Variants in TRAPPC9 observed in about 807,000 individuals in gnomAD.
TRAPPC9 encodes the protein trafficking protein particle complex subunit 9.
In TRAPPC9, 83 loss-of-function variants were observed where a neutral mutation model predicts 124.0. The observed-to-expected ratio is 0.67, with a 90% CI of 0.56 to 0.80. The LOEUF (loss-of-function observed/expected upper bound fraction) is 0.80, where lower values mean the gene tolerates loss of function less well. Among genes scored for constraint, TRAPPC9 ranks in the 30% least tolerant of loss-of-function variants. TRAPPC9 has a pLI of 0.00. For missense variants in TRAPPC9, 1,302 were observed against 1,508.3 expected, an observed-to-expected ratio of 0.86 and a Z score of 2.27; for synonymous variants, 638 against 617.5, an observed-to-expected ratio of 1.03 and a Z score of -0.49.
chr8:140,004,883 A>C (rs1587471644), intron 18 of TRAPPC9, among the ~76,000 whole-genome samples: 1 of 152,144 alleles, frequency 6.6e-6, no homozygotes, highest in African/African-American at 2.4e-5. Flanking sequence ...ATAAAACTAA[A>C]ACAGGTAGTG....
intron 15 of TRAPPC9, among the ~76,000 whole-genome samples, chr8:140,273,472 C>T (rs1252191176): frequency 2.6e-5 from 4 of 152,126 alleles, no homozygotes; most frequent in Non-Finnish European, 5.9e-5. Context: ...AGAGACAGGC[C>T]GCCCGTGTTT....
rs1837436498 is a variant in TRAPPC9 at position 139,988,821 on chromosome 8, G to A, written c.2715C>T (p.His905=). 1.3e-6 allele frequency: 2 copies of A among 1,551,044 alleles called. No individual in the cohort carries two copies. Among genetic ancestry groups the A allele is most frequent in the Middle Eastern group, 1.7e-4 (1 of 5,986 alleles). ...TLPATSTRQC[H]LLLDVFNSTE... ...TGGAGTTGAAGACATCCAGGAGCAGGTGACACTGCCGGGTACTGCGTTAAA... is the reference window on the plus strand; with the variant it reads ...TGGAGTTGAAGACATCCAGGAGCAGATGACACTGCCGGGTACTGCGTTAAA... Residue 905 remains histidine, a synonymous_variant, in exon 19 of 23, where the codon CAC becomes CAT. Coordinates refer to ENST00000438773, the MANE Select transcript of TRAPPC9 (RefSeq NM_001160372.4).
At chr8:140,328,766 G>A (rs1343280758) in intron 9 of TRAPPC9, among the ~76,000 whole-genome samples, 3 of 152,072 alleles carry the variant, frequency 2.0e-5, no homozygotes, top group Non-Finnish European at 4.4e-5. Flanking sequence ...CTTTAGAGAT[G>A]CTTAGCTATG....
chr8:139,906,429 C>T (rs934225939), intron 20 of TRAPPC9, among the ~76,000 whole-genome samples: 1 of 152,156 alleles, frequency 6.6e-6, no homozygotes, highest in Non-Finnish European at 1.5e-5. Context: ...CCCTCCAGCA[C>T]TCTAGGAGGA....
chr8:139,820,502 T>A (rs1410055404), intron 21 of TRAPPC9, among the ~76,000 whole-genome samples: 1 of 152,186 alleles, frequency 6.6e-6, no homozygotes, highest in African/African-American at 2.4e-5. Context: ...ACTATTTCAT[T>A]AAAAAACAAA....
At chr8:140,344,024 T>C (rs897744770) in intron 9 of TRAPPC9, among the ~76,000 whole-genome samples, 2 of 152,118 alleles carry the variant, frequency 1.3e-5, no homozygotes, top group Non-Finnish European at 1.5e-5. Context: ...TCTGAACGTC[T>C]GTGTCCCCCC....
At chr8:140,093,167 C>T (rs1178853833) in intron 17 of TRAPPC9, among the ~76,000 whole-genome samples, 1 of 152,140 alleles carries the variant, frequency 6.6e-6, no homozygotes, top group Non-Finnish European at 1.5e-5. Context: ...TTCCCTGTGG[C>T]TTTTGTTCTA....
At chr8:140,187,453 C>A (rs537247415) in intron 17 of TRAPPC9, among the ~76,000 whole-genome samples, 1 of 152,204 alleles carries the variant, frequency 6.6e-6, no homozygotes, top group African/African-American at 2.4e-5. Flanking sequence ...GAGGGTCCCA[C>A]ATGGCTGAGA....
intron 5 of TRAPPC9, among the ~76,000 whole-genome samples, chr8:140,422,710 C>T (rs2070262086): frequency 6.8e-6 from 1 of 146,114 alleles, no homozygotes. Flanking sequence ...GCCGAGATCA[C>T]ACCACTGCAC....
chr8:140,102,896 C>G (rs1274065588), intron 17 of TRAPPC9, among the ~76,000 whole-genome samples: 1 of 152,202 alleles, frequency 6.6e-6, no homozygotes, highest in Non-Finnish European at 1.5e-5. Flanking sequence ...AAGCTCAACC[C>G]CCCACATGCC....
chr8:139,993,278 G>C (rs1837757575), intron 18 of TRAPPC9, among the ~76,000 whole-genome samples: 1 of 152,142 alleles, frequency 6.6e-6, no homozygotes, highest in Non-Finnish European at 1.5e-5. Context: ...ATAATTTAAA[G>C]TAGGGGAAAC....
intron 17 of TRAPPC9, among the ~76,000 whole-genome samples, chr8:140,141,747 T>C (rs1246277127): frequency 1.3e-5 from 2 of 152,282 alleles, no homozygotes; most frequent in Admixed American, 1.3e-4. Flanking sequence ...GACTGGTTAG[T>C]CCATATTCAA....
rs546588905 is a variant in TRAPPC9, at chr8:139,754,696, G to A, written c.3056-22494C>T. 1.1e-4 allele frequency among the ~76,000 whole-genome samples: 16 copies of A among 152,228 alleles called. No individual in the cohort carries two copies. The South Asian group carries it at 1.5e-3, about 14-fold the overall frequency. ...TCTGCTTCCTCCTCTCCTTCCCACC[G>A]TGCTGACCTGAAGGTGCTGCGTGCC... On this transcript the variant is annotated intron_variant, in intron 21 of 22. Coordinates refer to ENST00000438773, the MANE Select transcript of TRAPPC9 (RefSeq NM_001160372.4).
intron 17 of TRAPPC9, among the ~76,000 whole-genome samples, chr8:140,062,949 T>C (rs1057236272): frequency 1.3e-5 from 2 of 152,138 alleles, no homozygotes; most frequent in African/African-American, 4.8e-5. Context: ...GGAAAGAGGT[T>C]TAATTGAGAG....
At chr8:140,083,824 A>G (rs28505335) in intron 17 of TRAPPC9, among the ~76,000 whole-genome samples, 104,186 of 151,860 alleles carry the variant, frequency 0.69, 36,139 homozygotes, top group African/African-American at 0.79. Context: ...GGGCCACCAC[A>G]TCCAGCTAAT....
At chr8:140,429,252 TTTG>T (rs1381623186) in intron 4 of TRAPPC9, among the ~76,000 whole-genome samples, 2 of 152,098 alleles carry the variant, frequency 1.3e-5, no homozygotes, top group South Asian at 2.1e-4. Flanking sequence ...CAGCTAATTT[TTTG>T]TTGTTGTTGT....
rs758149795 is a variant in TRAPPC9, at chr8:140,353,060, C to T, written c.1495+6990G>A. On this transcript the variant is annotated intron_variant, in intron 9 of 22. Coordinates refer to ENST00000438773, the MANE Select transcript of TRAPPC9 (RefSeq NM_001160372.4). The surrounding 1 kb of genome is among the most constrained non-coding windows in gnomAD (Gnocchi z 4.2). ...AAAACCAAGACACAGATAGGGTTTT[C>T]GAGAAAACACCATCTACCCAGAGGC... is the stretch of plus-strand genomic sequence containing the variant. Among the ~76,000 whole-genome samples, 13 of 152,246 alleles carry T rather than the reference C, an allele frequency of 8.5e-5. No individual in the cohort carries two copies. Among genetic ancestry groups the T allele is most frequent in the Non-Finnish European group, 1.0e-4 (7 of 68,024 alleles).
At position 139,739,428 on chromosome 8, in the gene TRAPPC9, GAA is replaced by G. The variant is rs148249206; in HGVS notation, c.3056-7228_3056-7227del. Among the ~76,000 whole-genome samples, 470 of 152,366 alleles carry G rather than the reference GAA, an allele frequency of 3.1e-3. 4 individuals are homozygous for G. Among genetic ancestry groups the G allele is most frequent in the African/African-American group, 0.011 (451 of 41,584 alleles). On this transcript the variant is annotated intron_variant, in intron 21 of 22. Coordinates refer to ENST00000438773, the MANE Select transcript of TRAPPC9 (RefSeq NM_001160372.4). ...GCTTCTGTTTATGCTCAGAATAAAA[GAA>G]AGTCTTGATGAAATTCTCACCCCAA...
intron 11 of TRAPPC9, among the ~76,000 whole-genome samples, chr8:140,296,672 G>C (rs1157807315): frequency 6.6e-6 from 1 of 152,248 alleles, no homozygotes; most frequent in Non-Finnish European, 1.5e-5. Flanking sequence ...ACGCTCTGCT[G>C]TTGCTGTCTT....
Sources: allele counts gnomAD v4.1 joint callset (sites outside exome capture counted in the v4.1 genomes callset), GRCh38; gene constraint gnomAD v4.1.1; non-coding constraint Gnocchi (gnomAD v3.1); transcripts MANE v1.5; gene names NCBI Gene and HGNC (gene_info 2026-07-23, HGNC 2026-07-21).